The following CSMD1 variants were observed in gnomAD, a reference collection of about 807,000 sequenced individuals.
CSMD1 encodes CUB and sushi domain-containing protein 1.
Under a neutral mutation model 417.5 loss-of-function variants are expected in CSMD1, and 213 were observed. That is an observed-to-expected ratio of 0.51 (90% CI 0.46 to 0.57). The LOEUF (loss-of-function observed/expected upper bound fraction) is 0.57. CSMD1 is among the 20% of genes least tolerant of loss of function. CSMD1 has a pLI of 0.00. For missense variants in CSMD1, 6,923 were observed against 4,529.7 expected (o/e 1.53, Z -15.17); for synonymous variants, 2,862 against 1,736.8 (o/e 1.65, Z -16.11).
intron 1 of CSMD1, among the ~76,000 whole-genome samples, chr8:4,781,821 T>A (rs1357571707): frequency 6.6e-6 from 1 of 152,176 alleles, no homozygotes; most frequent in Non-Finnish European, 1.5e-5. Context: ...CAGTAAAACA[T>A]CATTCACGAT....
At chr8:2,975,371 A>C (rs1804828195) in intron 55 of CSMD1, among the ~76,000 whole-genome samples, 1 of 152,214 alleles carries the variant, frequency 6.6e-6, no homozygotes, top group African/African-American at 2.4e-5. Context: ...AGCAATGGAC[A>C]AATTTTTATC....
At chr8:4,378,384 G>A (rs140688775) in intron 3 of CSMD1, among the ~76,000 whole-genome samples, 179 of 152,276 alleles carry the variant, frequency 1.2e-3, no homozygotes, top group African/African-American at 4.0e-3. Flanking sequence ...TAGCTCACTC[G>A]TTTGCACGCA....
intron 5 of CSMD1, among the ~76,000 whole-genome samples, chr8:3,796,606 G>A (rs977393174): frequency 1.4e-5 from 2 of 146,342 alleles, no homozygotes; most frequent in South Asian, 2.1e-4. Context: ...TATCTATAAT[G>A]TATAGATGTA....
chr8:3,489,688 T>A (rs1191329959), intron 11 of CSMD1, among the ~76,000 whole-genome samples: 1 of 152,196 alleles, frequency 6.6e-6, no homozygotes, highest in African/African-American at 2.4e-5. Context: ...TTCTTTTATA[T>A]TGTGCCATAA....
chr8:4,229,768 A>G (rs1481205204), intron 3 of CSMD1, among the ~76,000 whole-genome samples: 4 of 151,998 alleles, frequency 2.6e-5, no homozygotes, highest in Non-Finnish European at 5.9e-5. Flanking sequence ...TCACAATGCG[A>G]CCCACTAAGT....
chr8:4,052,520 T>C lies in CSMD1; in HGVS notation c.416-20421A>G, dbSNP rs139208091. On this transcript the variant is annotated intron_variant, in intron 3 of 69. Coordinates refer to ENST00000635120, the MANE Select transcript of CSMD1 (RefSeq NM_033225.6). The stretch of plus-strand genomic sequence containing the variant: ...AGTGGGAGATCAGCATCTCCAAATT[T>C]AGTTTGCTAGAACGTCAATGCACCA... 3.2e-3 allele frequency among the ~76,000 whole-genome samples: 484 copies of C among 152,216 alleles called. 2 individuals are homozygous for C. The highest frequency in any genetic ancestry group is 0.011 in the African/African-American group (465 of 41,540).
chr8:4,501,660 G>T (rs988055955), intron 2 of CSMD1, among the ~76,000 whole-genome samples: 1 of 152,136 alleles, frequency 6.6e-6, no homozygotes, highest in Non-Finnish European at 1.5e-5. Context: ...CTCCATCCCA[G>T]CCAGGACATG....
intron 1 of CSMD1, among the ~76,000 whole-genome samples, chr8:4,887,195 A>C (rs1161184535): frequency 6.6e-6 from 1 of 152,076 alleles, no homozygotes; most frequent in Non-Finnish European, 1.5e-5. Flanking sequence ...TTTACCGCAA[A>C]GTATTTTATA....
chr8:4,402,885 T>C, intron 3 of CSMD1, among the ~76,000 whole-genome samples: 1 of 134,906 alleles, frequency 7.4e-6, no homozygotes, highest in Non-Finnish European at 1.6e-5. Flanking sequence ...AGCGGCGCAA[T>C]CTGGGCTCAC....
At chr8:3,984,856 A>G (rs1328835830) in intron 5 of CSMD1, among the ~76,000 whole-genome samples, 1 of 151,014 alleles carries the variant, frequency 6.6e-6, no homozygotes, top group Non-Finnish European at 1.5e-5. Context: ...GAAGAAAGCC[A>G]GAAATGAAGA....
chr8:3,179,481 CTT>C (rs1219019509), intron 37 of CSMD1, among the ~76,000 whole-genome samples: 1 of 152,054 alleles, frequency 6.6e-6, no homozygotes, highest in Non-Finnish European at 1.5e-5. Context: ...GTTAGTCTCT[CTT>C]TTTTAATGAA....
At chr8:4,504,515 G>T (rs1024074068) in intron 2 of CSMD1, among the ~76,000 whole-genome samples, 19 of 152,248 alleles carry the variant, frequency 1.2e-4, no homozygotes, top group African/African-American at 4.6e-4. Context: ...TGCAGAACAT[G>T]CAGGTTCGTT....
intron 6 of CSMD1, among the ~76,000 whole-genome samples, chr8:3,731,518 G>A (rs542436989): frequency 1.6e-3 from 237 of 152,284 alleles, no homozygotes; most frequent in Non-Finnish European, 2.6e-3. Context: ...ATAAGTGCTT[G>A]ACCCAGTGCA....
intron 1 of CSMD1, among the ~76,000 whole-genome samples, chr8:4,790,222 A>G (rs1288886757): frequency 6.6e-6 from 1 of 152,174 alleles, no homozygotes; most frequent in Non-Finnish European, 1.5e-5. Context: ...AGAGCACAAC[A>G]CATTCAAAAT....
intron 5 of CSMD1, among the ~76,000 whole-genome samples, chr8:3,982,440 A>G (rs955262315): frequency 1.3e-5 from 2 of 152,006 alleles, no homozygotes; most frequent in African/African-American, 4.8e-5. Context: ...TGGAATTAAT[A>G]GAAAGATCTT....
chr8:3,318,698 C>G (rs1001022967), intron 23 of CSMD1, among the ~76,000 whole-genome samples: 1 of 152,092 alleles, frequency 6.6e-6, no homozygotes, highest in Non-Finnish European at 1.5e-5. Flanking sequence ...AAAGCATTTG[C>G]TTTTTGGGTG....
At chr8:3,943,013 T>G (rs528453153) in intron 5 of CSMD1, among the ~76,000 whole-genome samples, 1 of 152,178 alleles carries the variant, frequency 6.6e-6, no homozygotes, top group East Asian at 1.9e-4. Context: ...AATTATTAAG[T>G]TTTATTTTGT....
At position 4,371,558 on chromosome 8, in the gene CSMD1, T is replaced by C. The variant is rs138383091; in HGVS notation, c.415+48395A>G. On this transcript the variant is annotated intron_variant, in intron 3 of 69. Coordinates refer to ENST00000635120, the MANE Select transcript of CSMD1 (RefSeq NM_033225.6). ...TATCGTTATAAATTTTTTAAAGCAA[T>C]GTATTATTTTTTCATTCATGGATTC... Among the ~76,000 whole-genome samples, 865 of 152,254 alleles carry C rather than the reference T, an allele frequency of 5.7e-3. 8 individuals are homozygous for C. The highest frequency in any genetic ancestry group is 0.02 in the African/African-American group (828 of 41,554).
chr8:3,511,403 T>A (rs1170749934), intron 10 of CSMD1, among the ~76,000 whole-genome samples: 1 of 151,478 alleles, frequency 6.6e-6, no homozygotes, highest in Admixed American at 6.6e-5. Flanking sequence ...TTAACTGGCA[T>A]GTTATAGATT....
Sources: gnomAD v4.1 joint callset for allele counts (sites outside exome capture counted in the v4.1 genomes callset) on GRCh38, gnomAD v4.1.1 for gene constraint, MANE v1.5 for transcripts, NCBI Gene and HGNC (gene_info 2026-07-23, HGNC 2026-07-21) for gene names.